LIMD1: variants seen among roughly 807,000 people sequenced by gnomAD.
The protein encoded by LIMD1 is LIM domain containing 1, also known as LIM domain-containing protein 1.
Under a neutral mutation model 58.4 loss-of-function variants are expected in LIMD1, and 23 were observed. The ratio of observed to expected loss-of-function variants is 0.39; its 90% CI spans 0.28 to 0.56. The LOEUF (loss-of-function observed/expected upper bound fraction) is 0.56, where lower values mean the gene tolerates loss of function less well. LIMD1 is among the 20% of genes least tolerant of loss of function. The pLI is 0.57. For missense variants in LIMD1, 838 were observed against 855.5 expected, an observed-to-expected ratio of 0.98 and a Z score of 0.25; for synonymous variants, 334 against 345.5, an observed-to-expected ratio of 0.97 and a Z score of 0.37.
At chr3:45,631,607 A>C (rs142929619) in intron 1 of LIMD1, among the ~76,000 whole-genome samples, 1 of 152,326 alleles carries the variant, frequency 6.6e-6, no homozygotes, top group Admixed American at 6.5e-5. Flanking sequence ...GCAGGAACAG[A>C]AAGTGAGGGA....
At chr3:45,655,811 G>T (rs189239345) in intron 2 of LIMD1, among the ~76,000 whole-genome samples, 2 of 152,096 alleles carry the variant, frequency 1.3e-5, no homozygotes, top group Non-Finnish European at 2.9e-5. Context: ...ACGTCTCTAC[G>T]TATGAGCCGC....
chr3:45,598,339 A>T (rs185085177), intron 1 of LIMD1, among the ~76,000 whole-genome samples: 2 of 152,356 alleles, frequency 1.3e-5, no homozygotes, highest in African/African-American at 4.8e-5. Context: ...TGGGAGTAAT[A>T]GTTAGCTGGA....
intron 2 of LIMD1, among the ~76,000 whole-genome samples, chr3:45,661,088 G>T (rs1575363885): frequency 6.6e-6 from 1 of 152,126 alleles, no homozygotes; most frequent in African/African-American, 2.4e-5. Context: ...GAGCAGCTTT[G>T]GAGACCTAAA....
intron 1 of LIMD1, among the ~76,000 whole-genome samples, chr3:45,609,559 T>G (rs1701504081): frequency 6.6e-6 from 1 of 152,170 alleles, no homozygotes; most frequent in Admixed American, 6.6e-5. Context: ...TTCCTGAAGC[T>G]GGAGTTGTGG....
At chr3:45,641,040 CAGA>C (rs1701836252) in intron 2 of LIMD1, among the ~76,000 whole-genome samples, 1 of 152,154 alleles carries the variant, frequency 6.6e-6, no homozygotes, top group South Asian at 2.1e-4. Flanking sequence ...CAGTTTTCAG[CAGA>C]AGGAGGCACC....
chr3:45,650,494 A>ACC (rs1174459522), intron 2 of LIMD1, among the ~76,000 whole-genome samples: 2 of 48,130 alleles, frequency 4.2e-5, no homozygotes, highest in Admixed American at 2.1e-4. Context: ...CCAGCCCCCC[A>ACC]CCCCCCCCAA....
intron 1 of LIMD1, among the ~76,000 whole-genome samples, chr3:45,599,012 A>G (rs563080641): frequency 7.9e-5 from 12 of 152,296 alleles, no homozygotes; most frequent in African/African-American, 2.9e-4. Flanking sequence ...GCGGTGTCAC[A>G]GGTCATATTG....
At chr3:45,655,405 A>G (rs924716565) in intron 2 of LIMD1, among the ~76,000 whole-genome samples, 3 of 152,210 alleles carry the variant, frequency 2.0e-5, no homozygotes, top group Non-Finnish European at 2.9e-5. Flanking sequence ...AATTATAAAG[A>G]TGTAACACTG....
chr3:45,650,290 A>G (rs1184285101), intron 2 of LIMD1, among the ~76,000 whole-genome samples: 1 of 151,974 alleles, frequency 6.6e-6, no homozygotes, highest in Non-Finnish European at 1.5e-5. Context: ...CATCCAGTGT[A>G]TTCTCTTTTC....
chr3:45,631,262 A>T (rs1467125465), intron 1 of LIMD1, among the ~76,000 whole-genome samples: 1 of 151,904 alleles, frequency 6.6e-6, no homozygotes. Context: ...CCATACTGAT[A>T]TACTGCACTC....
intron 6 of LIMD1, 128 bp from the exon 7 acceptor site, chr3:45,674,215 C>A: frequency 1.6e-6 from 1 of 629,232 alleles, no homozygotes; most frequent in South Asian, 1.9e-5. Flanking sequence ...CCTGATTTAC[C>A]TTCTCCTCCC....
At chr3:45,607,246 T>C (rs1040184493) in intron 1 of LIMD1, among the ~76,000 whole-genome samples, 2 of 152,174 alleles carry the variant, frequency 1.3e-5, no homozygotes, top group Non-Finnish European at 2.9e-5. Flanking sequence ...CTCCAGTTTT[T>C]GTTTTCCATT....
At position 45,643,697 on chromosome 3, in the gene LIMD1, A is replaced by T. The variant is rs140876984; in HGVS notation, c.1510+7446A>T. Among the ~76,000 whole-genome samples the T allele has an allele frequency of 1.5e-3, 227 of 152,356 alleles. 1 individual carries two copies. Among genetic ancestry groups the T allele is most frequent in the Middle Eastern group, 0.01 (3 of 294 alleles). On this transcript the variant is annotated intron_variant, in intron 2 of 7. Coordinates refer to ENST00000273317, the MANE Select transcript of LIMD1 (RefSeq NM_014240.3). ...AGGTAAATATACTCTCCCCGCCAGA[A>T]GCCCATGGAGCAGGGGGGTGCCCAC... is the stretch of plus-strand genomic sequence containing the variant.
chr3:45,681,632 AT>A lies in LIMD1; in HGVS notation c.*4576del, dbSNP rs1219983091. 2.6e-5 allele frequency: 4 copies of A among 152,214 alleles called. No individual in the cohort carries two copies. Among genetic ancestry groups the A allele is most frequent in the African/African-American group, 9.7e-5 (4 of 41,442 alleles). 9.4% of individuals were successfully genotyped at this position (152,214 alleles called of 1,614,324 possible). The stretch of plus-strand genomic sequence containing the variant: ...ACCCCCATGCTTAGGGGACCCTGGT[AT>A]TTGATAATGGGCAGTAAGCCTGCCT... On this transcript the variant is annotated 3_prime_UTR_variant, in exon 8 of 8. Coordinates refer to ENST00000273317, the MANE Select transcript of LIMD1 (RefSeq NM_014240.3).
chr3:45,668,232 G>T, intron 3 of LIMD1, 62 bp from the exon 4 acceptor site: 1 of 1,285,468 alleles, frequency 7.8e-7, no homozygotes, highest in South Asian at 1.2e-5. Context: ...CTTGGCTGTT[G>T]GGGAAGTGGC....
intron 2 of LIMD1, among the ~76,000 whole-genome samples, chr3:45,648,650 C>T (rs1176245129): frequency 1.3e-5 from 2 of 152,128 alleles, no homozygotes; most frequent in Non-Finnish European, 2.9e-5. Context: ...TTTTGAGGAC[C>T]TGTTTTTTAA....
At chr3:45,649,144 T>C (rs986135002) in intron 2 of LIMD1, among the ~76,000 whole-genome samples, 1 of 152,188 alleles carries the variant, frequency 6.6e-6, no homozygotes, top group African/African-American at 2.4e-5. Context: ...TTCATGTCCA[T>C]GTTTTCTTCT....
rs775198570 is a variant in LIMD1 at position 45,665,708 on chromosome 3, A to C, written c.1569A>C (p.Glu523Asp). 6.2e-6 allele frequency: 10 copies of C among 1,614,130 alleles called. No homozygotes were observed. The Admixed American group carries it at 1.5e-4, about 24-fold the overall frequency. ...YFVNGKVFCE[E>D]DFLYSGFQQS... ...TCAACGGCAAAGTGTTTTGTGAAGA[A>C]GACTTCCTGGTGAGTGTGTCACCGA... Residue 523 changes from glutamate to aspartate, a missense_variant, in exon 3 of 8, where the codon GAA becomes GAC. Around this residue, in one of 3 missense-constraint regions of LIMD1, gnomAD observed 174 missense variants for 197.4 expected, o/e 0.88. Coordinates refer to ENST00000273317, the MANE Select transcript of LIMD1 (RefSeq NM_014240.3).
At chr3:45,663,152 G>A (rs1034222226) in intron 2 of LIMD1, among the ~76,000 whole-genome samples, 2 of 152,152 alleles carry the variant, frequency 1.3e-5, no homozygotes, top group Admixed American at 1.3e-4. Context: ...TTTGACTGCT[G>A]TCTGGTATTA....
Sources: gnomAD v4.1 joint callset for allele counts (sites outside exome capture counted in the v4.1 genomes callset) on GRCh38, gnomAD v4.1.1 for gene constraint, gnomAD v4.1.1 regional missense constraint, MANE v1.5 for transcripts, NCBI Gene and HGNC (gene_info 2026-07-23, HGNC 2026-07-21) for gene names.